ROR1: variants seen among roughly 807,000 people sequenced by gnomAD.
The protein encoded by ROR1 is ROR family WNT receptor 1, also known as inactive tyrosine-protein kinase transmembrane receptor ROR1.
A neutral mutation model predicts 78.8 loss-of-function variants in ROR1; 19 were observed. The ratio of observed to expected loss-of-function variants is 0.24; its 90% CI spans 0.17 to 0.35. The LOEUF (loss-of-function observed/expected upper bound fraction) is 0.35. Among genes scored for constraint, ROR1 ranks in the 10% least tolerant of loss-of-function variants. The pLI is 1.00. For synonymous variants in ROR1, 386 were observed against 433.6 expected (o/e 0.89, Z 1.36); for missense variants, 917 against 1,177.8 (o/e 0.78, Z 3.24).
intron 4 of ROR1, among the ~76,000 whole-genome samples, chr1:64,080,787 G>A (rs1647095217): frequency 6.6e-6 from 1 of 152,138 alleles, no homozygotes; most frequent in Admixed American, 6.6e-5. Flanking sequence ...TTTTGAGTAG[G>A]AGCTCACACT....
At chr1:64,010,501 A>C (rs1046351520) in intron 2 of ROR1, among the ~76,000 whole-genome samples, 2 of 152,150 alleles carry the variant, frequency 1.3e-5, no homozygotes, top group African/African-American at 4.8e-5. Context: ...TTTGTGTGCA[A>C]ATACATTCAG....
chr1:63,996,164 A>G (rs1221975839), intron 1 of ROR1, among the ~76,000 whole-genome samples: 3 of 152,164 alleles, frequency 2.0e-5, no homozygotes, highest in African/African-American at 7.2e-5. Flanking sequence ...CCCCAGCCTC[A>G]AGAAGCATAC....
intron 1 of ROR1, among the ~76,000 whole-genome samples, chr1:63,952,061 T>C (rs1353795960): frequency 6.6e-6 from 1 of 152,168 alleles, no homozygotes; most frequent in Non-Finnish European, 1.5e-5. Context: ...CTATATAATG[T>C]CCCAGGTGAC....
chr1:63,979,878 T>C (rs918874912), intron 1 of ROR1, among the ~76,000 whole-genome samples: 4 of 152,214 alleles, frequency 2.6e-5, no homozygotes, highest in African/African-American at 7.2e-5. Flanking sequence ...AACACAATTC[T>C]AGTTATGAAA....
intron 1 of ROR1, among the ~76,000 whole-genome samples, chr1:63,975,897 G>T (rs1381237947): frequency 2.6e-5 from 4 of 152,164 alleles, no homozygotes; most frequent in Admixed American, 2.6e-4. Flanking sequence ...AAAACAGACG[G>T]CATTTGTTGG....
chr1:63,922,138 A>T (rs1232144733), intron 1 of ROR1, among the ~76,000 whole-genome samples: 1 of 152,178 alleles, frequency 6.6e-6, no homozygotes, highest in Non-Finnish European at 1.5e-5. Context: ...TCCTTCTTGC[A>T]CTGAACCCAT....
chr1:63,874,779 G>T (rs774764828), intron 1 of ROR1, among the ~76,000 whole-genome samples: 1 of 152,016 alleles, frequency 6.6e-6, no homozygotes, highest in Non-Finnish European at 1.5e-5. Flanking sequence ...TCCTTGTCCA[G>T]GTCAAACAGC....
chr1:64,141,405 A>G (rs1649307661), intron 6 of ROR1, among the ~76,000 whole-genome samples: 1 of 152,062 alleles, frequency 6.6e-6, no homozygotes, highest in African/African-American at 2.4e-5. Flanking sequence ...TGAGAATGAG[A>G]ACTTACTATC....
At chr1:63,979,528 A>G (rs1436060243) in intron 1 of ROR1, among the ~76,000 whole-genome samples, 1 of 152,198 alleles carries the variant, frequency 6.6e-6, no homozygotes, top group Admixed American at 6.5e-5. Context: ...CCAAATGCTC[A>G]ATAAGGCAGA....
intron 4 of ROR1, among the ~76,000 whole-genome samples, chr1:64,131,507 C>T (rs1648910917): frequency 6.6e-6 from 1 of 151,574 alleles, no homozygotes; most frequent in Non-Finnish European, 1.5e-5. Flanking sequence ...ACCATTGGCC[C>T]TCTCCCAAGG....
intron 1 of ROR1, among the ~76,000 whole-genome samples, chr1:63,807,947 G>A (rs150630492): frequency 6.6e-6 from 1 of 152,258 alleles, no homozygotes; most frequent in East Asian, 1.9e-4. Context: ...TTGAACTGTG[G>A]CAGAGGCTGC....
rs1193717769 is a variant in ROR1, at chr1:64,002,905, C to T, written c.92-6400C>T. 1.4e-4 allele frequency among the ~76,000 whole-genome samples: 21 copies of T among 152,252 alleles called. No individual in the cohort carries two copies. In the East Asian group the frequency reaches 3.1e-3, roughly 22 times the overall value. On this transcript the variant is annotated intron_variant, in intron 1 of 8. Transcript: ENST00000371079. The stretch of plus-strand genomic sequence containing the variant: ...CCTCTGGGGCTGAAGGGGGTTTAAG[C>T]CAGGGAGCAAGTGGTTATGTCTCTC...
intron 8 of ROR1, among the ~76,000 whole-genome samples, chr1:64,160,020 T>A (rs1649893676): frequency 6.6e-6 from 1 of 152,188 alleles, no homozygotes; most frequent in Non-Finnish European, 1.5e-5. Context: ...CAAAAAGATT[T>A]CATTTAAATA....
intron 1 of ROR1, among the ~76,000 whole-genome samples, chr1:63,776,318 A>G (rs1028645389): frequency 6.6e-6 from 1 of 152,064 alleles, no homozygotes; most frequent in African/African-American, 2.4e-5. Flanking sequence ...GTCTCCTTTA[A>G]CTGTTTACAG....
rs1184111921 is a variant in ROR1 at position 63,805,488 on chromosome 1, C to A, written c.91+30980C>A. On this transcript the variant is annotated intron_variant, in intron 1 of 8. Transcript: ENST00000371079. ...AAATGCACTATAAAAAAGTATAATG[C>A]AGTTTATAAATGATTGCTCCTAATG... is the stretch of plus-strand genomic sequence containing the variant. 5.3e-5 allele frequency among the ~76,000 whole-genome samples: 8 copies of A among 152,298 alleles called. No individual in the cohort carries two copies. The East Asian group carries it at 1.5e-3, about 29-fold the overall frequency.
At chr1:63,946,752 G>C (rs1014785554) in intron 1 of ROR1, among the ~76,000 whole-genome samples, 2 of 152,196 alleles carry the variant, frequency 1.3e-5, no homozygotes, top group African/African-American at 4.8e-5. Flanking sequence ...CTGTATATCT[G>C]TGACAGGCAC....
intron 5 of ROR1, among the ~76,000 whole-genome samples, 195 bp from the exon 6 acceptor site, chr1:64,139,914 A>T (rs1017579245): frequency 1.3e-5 from 2 of 152,230 alleles, no homozygotes; most frequent in Admixed American, 6.5e-5. Flanking sequence ...TTAACTTTGT[A>T]GTCAAAATGG....
chr1:63,909,700 GTTT>G (rs1173108784), intron 1 of ROR1, among the ~76,000 whole-genome samples: 1 of 152,010 alleles, frequency 6.6e-6, no homozygotes, highest in Non-Finnish European at 1.5e-5. Context: ...CTTTATTCCA[GTTT>G]TCTTTTTTTT....
At chr1:64,174,327 A>G (rs1195256504) in intron 8 of ROR1, among the ~76,000 whole-genome samples, 1 of 152,196 alleles carries the variant, frequency 6.6e-6, no homozygotes, top group South Asian at 2.1e-4. Context: ...TAAATAAGTT[A>G]ATATTTGCTA....
Sources: gnomAD v4.1 joint callset for allele counts (sites outside exome capture counted in the v4.1 genomes callset) on GRCh38, gnomAD v4.1.1 for gene constraint, MANE v1.5 for transcripts, NCBI Gene and HGNC (gene_info 2026-07-23, HGNC 2026-07-21) for gene names.